NAPB: variants seen among roughly 807,000 people sequenced by gnomAD.
NAPB encodes the protein beta-soluble NSF attachment protein.
In NAPB, 26 loss-of-function variants were observed where a neutral mutation model predicts 44.7. That is an observed-to-expected ratio of 0.58 (90% CI 0.43 to 0.81). NAPB has a LOEUF of 0.81. Among genes scored for constraint, NAPB ranks in the 30% least tolerant of loss-of-function variants. The probability of loss-of-function intolerance (pLI) is 0.00; values close to 1 mark genes in which losing one functional copy is unlikely to be tolerated. For missense variants in NAPB, 315 were observed against 356.4 expected (o/e 0.88, Z 0.94); for synonymous variants, 120 against 116.8 (o/e 1.03, Z -0.18).
intron 1 of NAPB, among the ~76,000 whole-genome samples, chr20:23,418,943 T>C (rs960358035): frequency 6.6e-6 from 1 of 151,624 alleles, no homozygotes; most frequent in African/African-American, 2.4e-5. Flanking sequence ...TGAGACTCCG[T>C]CTCAAAAAAA....
At position 23,403,015 on chromosome 20, in the gene NAPB, G is replaced by T; in HGVS notation, c.156C>A (p.Phe52Leu). The change falls in exon 2 of 11, where the codon TTC becomes TTA. Residue 52 changes from phenylalanine (F) to leucine (L), a missense_variant. Around this residue, in one of 3 missense-constraint regions of NAPB, gnomAD observed 179 missense variants for 182.5 expected, o/e 0.98. Coordinates refer to ENST00000377026, the MANE Select transcript of NAPB (RefSeq NM_022080.3). ...TACCACTCCAATTTTTAGCCATCTT[G>T]AACATATTTGCAGCTCTGGTATACA... is the stretch of plus-strand genomic sequence containing the variant. ...CEMYTRAANM[F>L]KMAKNWSAAG... 6.2e-7 allele frequency: 1 copy of T among 1,613,704 alleles called. No homozygotes were observed. The highest frequency in any genetic ancestry group is 8.5e-7 in the Non-Finnish European group (1 of 1,179,822).
intron 2 of NAPB, among the ~76,000 whole-genome samples, chr20:23,402,606 C>A (rs1337218640): frequency 6.6e-6 from 1 of 152,106 alleles, no homozygotes; most frequent in Admixed American, 6.5e-5. Flanking sequence ...TTCTCTTTAT[C>A]CCACTAGTTT....
At chr20:23,420,138 AAAC>A in intron 1 of NAPB, among the ~76,000 whole-genome samples, 1 of 152,310 alleles carries the variant, frequency 6.6e-6, no homozygotes, top group African/African-American at 2.4e-5. Context: ...TTCTCATCCT[AAAC>A]AGCTGAATCA....
chr20:23,416,933 T>C, intron 1 of NAPB, among the ~76,000 whole-genome samples: 1 of 152,178 alleles, frequency 6.6e-6, no homozygotes, highest in East Asian at 1.9e-4. Context: ...AAATTATAGA[T>C]TCATAATTAT....
At position 23,421,282 on chromosome 20, in the gene NAPB, G is replaced by A. The variant is rs775998234; in HGVS notation, c.98+23C>T. 1.6e-5 allele frequency: 25 copies of A among 1,525,972 alleles called. No homozygotes were observed. In the South Asian group the frequency reaches 2.9e-4, roughly 18 times the overall value. 94.5% of individuals were successfully genotyped at this position (1,525,972 alleles called of 1,614,324 possible). On this transcript the variant is annotated intron_variant, in intron 1 of 10. Transcript: ENST00000377026. ...AAGTACGGAGACCCCCCCCCCCCAG[G>A]GCACGCACGGTCTGGCGCTCACCCA... is the stretch of plus-strand genomic sequence containing the variant.
At chr20:23,391,420 G>T (rs547024945) in intron 5 of NAPB, among the ~76,000 whole-genome samples, 9 of 152,206 alleles carry the variant, frequency 5.9e-5, no homozygotes, top group African/African-American at 1.9e-4. Context: ...GCACAGTTTT[G>T]TAAGAGCTGA....
chr20:23,420,182 G>C (rs540410314), intron 1 of NAPB, among the ~76,000 whole-genome samples: 1 of 152,008 alleles, frequency 6.6e-6, no homozygotes, highest in Non-Finnish European at 1.5e-5. Context: ...GAATTCTTCC[G>C]GGCTGTCAGT....
chr20:23,413,900 C>CA (rs767830957), intron 1 of NAPB, among the ~76,000 whole-genome samples: 2,357 of 128,682 alleles, frequency 0.018, 56 homozygotes, highest in African/African-American at 0.06. Context: ...GACCAGAGTC[C>CA]AAAAAAAAAA....
At position 23,397,177 on chromosome 20, in the gene NAPB, C is replaced by A. The variant is rs144803308; in HGVS notation, c.190G>T (p.Ala64Ser). ...TGGAGCTTGGCTGCCTGACAAAATG[C>A]GTTTCCTGCAGCTGAAGAAGACACT... ...MAKNWSAAGN[A>S]FCQAAKLHMQ... Residue 64 changes from alanine (A) to serine (S), a missense_variant, in exon 3 of 11, where the codon GCA becomes TCA. Physicochemically the swap from Ala to Ser is moderately conservative, Grantham distance 99. Coordinates refer to ENST00000377026, the MANE Select transcript of NAPB (RefSeq NM_022080.3). The A allele has an allele frequency of 2.5e-6, 4 of 1,611,118 alleles. No homozygotes were observed. In the African/African-American group the frequency reaches 5.3e-5, roughly 22 times the overall value.
chr20:23,420,588 C>T (rs1986324504), intron 1 of NAPB, among the ~76,000 whole-genome samples: 1 of 152,040 alleles, frequency 6.6e-6, no homozygotes, highest in Non-Finnish European at 1.5e-5. Context: ...CCCGGCGCGC[C>T]TCACCCGGAC....
Position 23,397,096 on chromosome 20 carries a change from C to T in NAPB, c.271G>A (p.Ala91Thr). The change falls in exon 3 of 11, where the codon GCT (alanine) becomes ACT (threonine). Residue 91 changes from alanine (A) to threonine (T), a missense_variant. Physicochemically the swap from Ala to Thr is moderately conservative, Grantham distance 58. Coordinates refer to ENST00000377026, the MANE Select transcript of NAPB (RefSeq NM_022080.3). ...SATSFVDAGN[A>T]YKKADPQEAI... Reference sequence around the variant, plus strand: ...CCTTGGGGATCTGCCTTTTTGTAAGCATTTCCAGCATCCACAAAGCTGGTA... The same window carrying T: ...CCTTGGGGATCTGCCTTTTTGTAAGTATTTCCAGCATCCACAAAGCTGGTA... The T allele has an allele frequency of 6.2e-7, 1 of 1,613,340 alleles. No individual in the cohort carries two copies.
At chr20:23,399,365 A>G (rs1352282849) in intron 2 of NAPB, among the ~76,000 whole-genome samples, 1 of 152,052 alleles carries the variant, frequency 6.6e-6, no homozygotes, top group Non-Finnish European at 1.5e-5. Flanking sequence ...TGCCCTTATA[A>G]AAGAGGTTGA....
chr20:23,379,417 T>C, intron 10 of NAPB, 28 bp downstream of exon 10: 1 of 1,550,542 alleles, frequency 6.4e-7, no homozygotes. Flanking sequence ...CTTCAAATAA[T>C]GTACCATGTC....
At chr20:23,416,359 C>A (rs909230460) in intron 1 of NAPB, among the ~76,000 whole-genome samples, 1 of 152,100 alleles carries the variant, frequency 6.6e-6, no homozygotes, top group Non-Finnish European at 1.5e-5. Context: ...AATCAGAAAA[C>A]CAAACAATTA....
intron 2 of NAPB, among the ~76,000 whole-genome samples, chr20:23,399,875 G>T (rs975466079): frequency 1.8e-4 from 28 of 152,316 alleles, no homozygotes; most frequent in African/African-American, 4.3e-4. Flanking sequence ...TACACACGGT[G>T]GCCACTTTCA....
intron 5 of NAPB, 47 bp downstream of exon 5, chr20:23,394,875 A>C (rs1382584531): frequency 1.3e-6 from 2 of 1,572,156 alleles, no homozygotes; most frequent in South Asian, 2.2e-5. Flanking sequence ...TCTTTGAGTC[A>C]GCTTATCTGC....
chr20:23,383,921 AG>A (rs750864955), intron 7 of NAPB, among the ~76,000 whole-genome samples: 8 of 152,216 alleles, frequency 5.3e-5, no homozygotes, highest in Non-Finnish European at 1.2e-4. Flanking sequence ...AAGAACAGAA[AG>A]GGAGGTAAGA....
chr20:23,421,331 G>T lies in NAPB; in HGVS notation c.72C>A (p.Ser24=). 1 of 1,564,700 alleles carries T rather than the reference G, an allele frequency of 6.4e-7. No individual in the cohort carries two copies. The highest frequency in any genetic ancestry group is 1.2e-5 in the South Asian group (1 of 85,242). ...MAEAEKRVKA[S]HSFLRGLFGG... ...CAAACAGCCCTCGGAGGAAGGAGTG[G>T]GAGGCCTTGACTCGCTTCTCGGCCT... The change falls in exon 1 of 11, where the codon TCC becomes TCA. Residue 24 remains serine, a synonymous_variant. Transcript: ENST00000377026.
chr20:23,390,617 T>G (rs1568608323), intron 5 of NAPB, among the ~76,000 whole-genome samples: 1 of 152,216 alleles, frequency 6.6e-6, no homozygotes, highest in Non-Finnish European at 1.5e-5. Flanking sequence ...TGCATCCTCC[T>G]CCAGGCCTTC....
Sources: gnomAD v4.1 joint callset for allele counts (sites outside exome capture counted in the v4.1 genomes callset) on GRCh38, gnomAD v4.1.1 for gene constraint, gnomAD v4.1.1 regional missense constraint, MANE v1.5 for transcripts, NCBI Gene and HGNC (gene_info 2026-07-23, HGNC 2026-07-21) for gene names.